SERINC3: variants seen among roughly 807,000 people sequenced by gnomAD.
SERINC3 encodes serine incorporator 3.
A neutral mutation model predicts 52.1 loss-of-function variants in SERINC3; 22 were observed. That is an observed-to-expected ratio of 0.42 (90% CI 0.30 to 0.60). SERINC3 has a LOEUF of 0.60. SERINC3 is among the 20% of genes least tolerant of loss of function. The pLI, the probability that SERINC3 is intolerant of heterozygous loss-of-function variation, is 0.16. For missense variants in SERINC3, 564 were observed against 584.6 expected, an observed-to-expected ratio of 0.96 and a Z score of 0.36; for synonymous variants, 226 against 212.7, an observed-to-expected ratio of 1.06 and a Z score of -0.54.
At chr20:44,509,677 T>C (rs1431444282) in intron 5 of SERINC3, among the ~76,000 whole-genome samples, 1 of 152,142 alleles carries the variant, frequency 6.6e-6, no homozygotes, top group African/African-American at 2.4e-5. Flanking sequence ...TATAGGTATA[T>C]GCCACCATGC....
At chr20:44,501,558 C>T (rs529646122) in intron 8 of SERINC3, among the ~76,000 whole-genome samples, 64 of 152,204 alleles carry the variant, frequency 4.2e-4, no homozygotes, top group Non-Finnish European at 5.0e-4. Context: ...TGTCTGTTTC[C>T]GTGACTTCAC....
At chr20:44,504,096 C>T in intron 7 of SERINC3, 101 bp from the exon 8 acceptor site, 1 of 919,768 alleles carries the variant, frequency 1.1e-6, no homozygotes, top group Non-Finnish European at 1.6e-6. Context: ...TGATGTGAAA[C>T]ATGGGAATGC....
intron 1 of SERINC3, among the ~76,000 whole-genome samples, chr20:44,514,895 T>C (rs997417470): frequency 6.6e-6 from 1 of 152,192 alleles, no homozygotes; most frequent in African/African-American, 2.4e-5. Flanking sequence ...AATGACCATA[T>C]GACCCAGAAA....
chr20:44,509,766 G>T, intron 5 of SERINC3, 125 bp downstream of exon 5: 1 of 1,037,580 alleles, frequency 9.6e-7, no homozygotes, highest in Non-Finnish European at 1.5e-6. Flanking sequence ...CTGGATTCAA[G>T]CCATTCTCCC....
intron 4 of SERINC3, among the ~76,000 whole-genome samples, chr20:44,510,234 C>T (rs1003507328): frequency 3.3e-5 from 5 of 152,120 alleles, no homozygotes; most frequent in African/African-American, 4.8e-5. Context: ...TTAGCTTGTG[C>T]CAAGGGAAGC....
At chr20:44,507,453 T>C (rs764575280) in intron 5 of SERINC3, among the ~76,000 whole-genome samples, 1 of 152,360 alleles carries the variant, frequency 6.6e-6, no homozygotes, top group South Asian at 2.1e-4. Flanking sequence ...TCTGCAGCCA[T>C]TGGCTATCTA....
At chr20:44,508,685 G>A (rs2064329620) in intron 5 of SERINC3, among the ~76,000 whole-genome samples, 1 of 152,124 alleles carries the variant, frequency 6.6e-6, no homozygotes, top group Non-Finnish European at 1.5e-5. Flanking sequence ...GGTTAAATGA[G>A]TAAGACATAC....
chr20:44,509,799 G>T, intron 5 of SERINC3, 92 bp downstream of exon 5: 1 of 1,370,580 alleles, frequency 7.3e-7, no homozygotes, highest in Non-Finnish European at 1.0e-6. Flanking sequence ...TGTCCCTGAG[G>T]ACTATAGCTG....
Position 44,499,560 on chromosome 20 carries a change from A to G in SERINC3, c.*736T>C, listed in dbSNP as rs1258007236. 6.6e-6 allele frequency: 1 copy of G among 152,380 alleles called. No homozygotes were observed. The highest frequency in any genetic ancestry group is 1.5e-5 in the Non-Finnish European group (1 of 68,044). 9.4% of individuals were successfully genotyped at this position (152,380 alleles called of 1,614,324 possible). On this transcript the variant is annotated 3_prime_UTR_variant, in exon 10 of 10. Transcript: ENST00000342374. The stretch of plus-strand genomic sequence containing the variant: ...ACATGCATTTTACTTTTACATACTC[A>G]TAACAAGATAGTAACACAGACTAAA...
intron 5 of SERINC3, among the ~76,000 whole-genome samples, chr20:44,508,644 C>T (rs1391023865): frequency 6.6e-6 from 1 of 152,184 alleles, no homozygotes; most frequent in African/African-American, 2.4e-5. Flanking sequence ...ATGCAGCTTA[C>T]AGTAAACTCC....
rs1225579788 is a variant in SERINC3, at chr20:44,501,211, G to A, written c.1145C>T (p.Ala382Val). The change falls in exon 9 of 10, where the codon GCC becomes GTC. Residue 382 changes from alanine to valine, a missense_variant. Physicochemically the swap from Ala to Val is moderately conservative, Grantham distance 64 (BLOSUM62 0). Transcript: ENST00000342374. ...VILGDTTTSG[A>V]SDEEDGQPRR... Reference sequence around the variant, plus strand: ...AGGCTGTCCATCTTCTTCATCACTGGCACCACTGGTAGTTGTATCACCAAG... The same window carrying A: ...AGGCTGTCCATCTTCTTCATCACTGACACCACTGGTAGTTGTATCACCAAG... 1.2e-6 allele frequency: 2 copies of A among 1,613,972 alleles called. No individual in the cohort carries two copies. Among genetic ancestry groups the A allele is most frequent in the Admixed American group, 3.3e-5 (2 of 59,996 alleles).
At chr20:44,507,454 T>G (rs1346889431) in intron 5 of SERINC3, among the ~76,000 whole-genome samples, 1 of 152,242 alleles carries the variant, frequency 6.6e-6, no homozygotes, top group Non-Finnish European at 1.5e-5. Context: ...CTGCAGCCAT[T>G]GGCTATCTAA....
rs745887761 is a variant in SERINC3 at position 44,513,930 on chromosome 20, A to G, written c.150T>C (p.Thr50=). 6.8e-6 allele frequency: 11 copies of G among 1,614,176 alleles called. No individual in the cohort carries two copies. The highest frequency in any genetic ancestry group is 9.3e-6 in the Non-Finnish European group (11 of 1,180,026). Residue 50 remains threonine, a synonymous_variant, in exon 2 of 10, where the codon ACT becomes ACC. Transcript: ENST00000342374. ...TTCTCTGCATGATATAGGATACGAC[A>G]GTGCTCAGGAGGAGAATGAAAGCAT... ...LIYAFILLLS[T]VVSYIMQRKE...
At position 44,506,867 on chromosome 20, in the gene SERINC3, C is replaced by T; in HGVS notation, c.743G>A (p.Cys248Tyr). ...KFFISINLILCVVASIISIHP... is the reference protein window; with the variant it reads ...KFFISINLILYVVASIISIHP... ...GATCGATATAATAGAAGCCACAACG[C>T]AAAGGATCAGGTTAATACTGATGAA... Residue 248 changes from cysteine to tyrosine, a missense_variant, in exon 6 of 10, where the codon TGC (cysteine) becomes TAC (tyrosine). Coordinates refer to ENST00000342374, the MANE Select transcript of SERINC3 (RefSeq NM_006811.4). 1 of 1,599,592 alleles carries T rather than the reference C, an allele frequency of 6.3e-7. No homozygotes were observed. The highest frequency in any genetic ancestry group is 1.1e-5 in the South Asian group (1 of 87,596).
At chr20:44,520,323 A>G (rs1600821964) in intron 1 of SERINC3, among the ~76,000 whole-genome samples, 1 of 152,328 alleles carries the variant, frequency 6.6e-6, no homozygotes, top group Admixed American at 6.5e-5. Context: ...AGATGGCGCC[A>G]CTGCCCCAGA....
intron 2 of SERINC3, 140 bp downstream of exon 2, chr20:44,513,739 G>A: frequency 1.6e-6 from 1 of 606,388 alleles, no homozygotes; most frequent in Non-Finnish European, 2.7e-6. Context: ...TCATATTTCT[G>A]TGTTTTGACC....
chr20:44,514,080 G>A, intron 1 of SERINC3, 40 bp from the exon 2 acceptor site: 1 of 1,590,426 alleles, frequency 6.3e-7, no homozygotes, highest in Non-Finnish European at 8.6e-7. Flanking sequence ...ACCGCCTTCA[G>A]TATACTCCTT....
intron 7 of SERINC3, among the ~76,000 whole-genome samples, chr20:44,504,365 G>A (rs1445453511): frequency 1.3e-5 from 2 of 152,108 alleles, no homozygotes; most frequent in East Asian, 1.9e-4. Flanking sequence ...TGGTGGAAGG[G>A]GGGTCTGCAT....
chr20:44,500,443 A>G lies in SERINC3; in HGVS notation c.1284-9T>C. The G allele has an allele frequency of 3.2e-6, 5 of 1,557,328 alleles. No individual in the cohort carries two copies. Among genetic ancestry groups the G allele is most frequent in the Non-Finnish European group, 4.3e-6 (5 of 1,149,752 alleles). On this transcript the variant is annotated splice_polypyrimidine_tract_variant and intron_variant, in intron 9 of 9. Coordinates refer to ENST00000342374, the MANE Select transcript of SERINC3 (RefSeq NM_006811.4). ...GAAACTTTGCATCAGGGCTAAGAAA[A>G]CAAGAGAGAGTCAGGTAGAAAAGCC...
Sources: gnomAD v4.1 joint callset for allele counts (sites outside exome capture counted in the v4.1 genomes callset) on GRCh38, gnomAD v4.1.1 for gene constraint, MANE v1.5 for transcripts, NCBI Gene and HGNC (gene_info 2026-07-23, HGNC 2026-07-21) for gene names.